LRRC72: variants seen among roughly 807,000 people sequenced by gnomAD.
The protein encoded by LRRC72 is leucine rich repeat containing 72, also known as leucine-rich repeat-containing protein 72.
LRRC72 carries 41 observed loss-of-function variants against 35.8 expected under a neutral mutation model. The ratio of observed to expected loss-of-function variants is 1.15; its 90% CI spans 0.89 to 1.49. The LOEUF is 1.49. LRRC72 is among the 40% of genes most tolerant of loss of function. The pLI is 0.00. For missense variants in LRRC72, 389 were observed against 330.7 expected (o/e 1.18, Z -1.37); for synonymous variants, 118 against 119.2 (o/e 0.99, Z 0.07).
intron 3 of LRRC72, 93 bp downstream of exon 3, chr7:16,537,789 T>A (rs1257620755): frequency 1.3e-6 from 1 of 768,548 alleles, no homozygotes; most frequent in African/African-American, 1.8e-5. Context: ...GTATTAAAAT[T>A]TTTGCTTAAA....
At chr7:16,576,222 G>T (rs987299393) in intron 7 of LRRC72, among the ~76,000 whole-genome samples, 1 of 152,046 alleles carries the variant, frequency 6.6e-6, no homozygotes. Context: ...GCAAACATTT[G>T]TAATAAAACT....
intron 3 of LRRC72, among the ~76,000 whole-genome samples, chr7:16,539,953 A>C (rs185904487): frequency 6.6e-6 from 1 of 152,354 alleles, no homozygotes; most frequent in Non-Finnish European, 1.5e-5. Flanking sequence ...GGCAATGCAG[A>C]GGGGAAATGT....
chr7:16,554,127 G>A (rs1385258332), intron 3 of LRRC72, among the ~76,000 whole-genome samples: 4 of 152,118 alleles, frequency 2.6e-5, no homozygotes, highest in East Asian at 1.9e-4. Flanking sequence ...TCAGGGGTTC[G>A]AGACCAGCCT....
chr7:16,532,530 G>A lies in LRRC72; in HGVS notation c.126G>A (p.Arg42=). Residue 42 remains arginine, a synonymous_variant, in exon 2 of 9, where the codon AGG becomes AGA. Coordinates refer to ENST00000401542, the MANE Select transcript of LRRC72 (RefSeq NM_001195280.2). ...ATCAGCTAAAGATATGTGGCCACAGGAGGGATGCTGATGTCTTTGAGCTGT... is the reference window on the plus strand; with the variant it reads ...ATCAGCTAAAGATATGTGGCCACAGAAGGGATGCTGATGTCTTTGAGCTGT... ...VEDQLKICGH[R]RDADVFELFL... is the part of the protein sequence containing the mutation. 6.5e-7 allele frequency: 1 copy of A among 1,550,212 alleles called. No individual in the cohort carries two copies. Among genetic ancestry groups the A allele is most frequent in the Non-Finnish European group, 8.7e-7 (1 of 1,146,596 alleles).
Position 16,532,496 on chromosome 7 carries a change from C to A in LRRC72, c.92C>A (p.Ala31Glu). ...GACAGATTAATTATATGTTATCAGGCAGTTGAAGATCAGCTAAAGATATGT... is the reference window on the plus strand; with the variant it reads ...GACAGATTAATTATATGTTATCAGGAAGTTGAAGATCAGCTAAAGATATGT... The part of the protein sequence containing the change: ...SETALQSSRR[A>E]VEDQLKICGH... Residue 31 changes from alanine (A) to glutamate (E), a missense_variant and splice_region_variant, in exon 2 of 9, where the codon GCA becomes GAA. Ala to Glu is a moderately radical substitution (Grantham distance 107). Coordinates refer to ENST00000401542, the MANE Select transcript of LRRC72 (RefSeq NM_001195280.2). 6.5e-7 allele frequency: 1 copy of A among 1,548,050 alleles called. No individual in the cohort carries two copies.
intron 3 of LRRC72, among the ~76,000 whole-genome samples, chr7:16,554,926 G>C (rs1782624350): frequency 6.6e-6 from 1 of 152,206 alleles, no homozygotes; most frequent in African/African-American, 2.4e-5. Context: ...AGAAGAGAGA[G>C]GAAAAAGTTC....
chr7:16,565,909 T>G (rs999434622), intron 5 of LRRC72, among the ~76,000 whole-genome samples: 7 of 152,224 alleles, frequency 4.6e-5, no homozygotes, highest in African/African-American at 1.7e-4. Flanking sequence ...CCTTGTGAAC[T>G]TGGAGACTGA....
chr7:16,541,804 C>T (rs974271078), intron 3 of LRRC72, among the ~76,000 whole-genome samples: 1 of 152,160 alleles, frequency 6.6e-6, no homozygotes, highest in Non-Finnish European at 1.5e-5. Context: ...CCCAGCTACT[C>T]GCGAAGCAGA....
chr7:16,537,957 A>G (rs1449175998), intron 3 of LRRC72, among the ~76,000 whole-genome samples: 1 of 152,144 alleles, frequency 6.6e-6, no homozygotes. Context: ...CCCACGTCCT[A>G]TCAAATCCAC....
intron 7 of LRRC72, among the ~76,000 whole-genome samples, chr7:16,573,375 G>A (rs1161690550): frequency 6.6e-6 from 1 of 152,166 alleles, no homozygotes; most frequent in Non-Finnish European, 1.5e-5. Context: ...AACAAAGCTG[G>A]AGGCAACACA....
In LRRC72 at chr7:16,580,061, A is replaced by ATT; in HGVS notation, c.671-4_671-3dup. The ATT allele has an allele frequency of 5.5e-5, 22 of 400,582 alleles. No individual in the cohort carries two copies. Among genetic ancestry groups the ATT allele is most frequent in the South Asian group, 9.9e-5 (4 of 40,404 alleles). The allele number at this position is 400,582 out of a possible 1,614,324, so 24.8% of individuals were successfully genotyped here. A position where few individuals can be genotyped will look rare whatever the true frequency, so the allele number is the denominator to read the frequency against. Reference sequence around the variant, plus strand: ...TTTTAAAATACTAACTTTAAAATGTATTTTTTTTTTAGATTTTGCATTTGC... The same window carrying ATT: ...TTTTAAAATACTAACTTTAAAATGTATTTTTTTTTTTTAGATTTTGCATTTGC... On this transcript the variant is annotated splice_polypyrimidine_tract_variant and intron_variant, in intron 7 of 8. Transcript: ENST00000401542.
At chr7:16,546,316 C>G (rs763322740) in intron 3 of LRRC72, among the ~76,000 whole-genome samples, 1 of 151,940 alleles carries the variant, frequency 6.6e-6, no homozygotes, top group Non-Finnish European at 1.5e-5. Flanking sequence ...GGTTTTTCAA[C>G]CTTGCTACTA....
intron 7 of LRRC72, among the ~76,000 whole-genome samples, chr7:16,576,853 C>G (rs571542662): frequency 6.6e-6 from 1 of 152,258 alleles, no homozygotes; most frequent in Non-Finnish European, 1.5e-5. Context: ...GAGCCTGGGC[C>G]TGGCAGGTGA....
chr7:16,579,822 G>A (rs1350104923), intron 7 of LRRC72, among the ~76,000 whole-genome samples: 1 of 152,040 alleles, frequency 6.6e-6, no homozygotes, highest in Non-Finnish European at 1.5e-5. Flanking sequence ...TCTGTTCTCA[G>A]GGTTTTGAGA....
intron 3 of LRRC72, among the ~76,000 whole-genome samples, chr7:16,553,060 A>T (rs10261678): frequency 0.032 from 4,932 of 152,302 alleles, 274 homozygotes; most frequent in African/African-American, 0.11. Context: ...GAAAGTTTTC[A>T]GAGATTATTA....
chr7:16,570,956 A>T (rs1782933582), intron 7 of LRRC72, among the ~76,000 whole-genome samples: 1 of 150,624 alleles, frequency 6.6e-6, no homozygotes. Context: ...TTTAGAAGAG[A>T]TTCCCTGGTT....
intron 7 of LRRC72, among the ~76,000 whole-genome samples, chr7:16,569,218 G>A (rs950985166): frequency 1.3e-5 from 2 of 151,264 alleles, no homozygotes; most frequent in Admixed American, 6.6e-5. Flanking sequence ...ACCTGAGGTC[G>A]GGAGTTTAAG....
chr7:16,529,465 A>G (rs1425322291), intron 1 of LRRC72, among the ~76,000 whole-genome samples: 1 of 152,036 alleles, frequency 6.6e-6, no homozygotes, highest in East Asian at 1.9e-4. Flanking sequence ...TAATGTTACT[A>G]TCGTAATTGC....
chr7:16,549,023 T>C (rs1782501669), intron 3 of LRRC72, among the ~76,000 whole-genome samples: 1 of 152,208 alleles, frequency 6.6e-6, no homozygotes, highest in Non-Finnish European at 1.5e-5. Context: ...TGGCACATAG[T>C]AGATGCTCAG....
Sources: allele counts gnomAD v4.1 joint callset (sites outside exome capture counted in the v4.1 genomes callset), GRCh38; gene constraint gnomAD v4.1.1; transcripts MANE v1.5; gene names NCBI Gene and HGNC (gene_info 2026-07-23, HGNC 2026-07-21).